ASIP: variants seen among roughly 807,000 people sequenced by gnomAD.
The protein encoded by ASIP is agouti signaling protein.
ASIP carries 11 observed loss-of-function variants against 10.3 expected under a neutral mutation model. The observed-to-expected ratio is 1.07, with a 90% CI of 0.68 to 1.78. ASIP has a LOEUF of 1.78. Ranked by LOEUF, ASIP falls within the 40% of genes most tolerant of loss-of-function variation. The pLI is 0.00. For synonymous variants in ASIP, 70 were observed against 70.8 expected (o/e 0.99, Z 0.06); for missense variants, 180 against 169.2 (o/e 1.06, Z -0.35).
At chr20:34,189,082 T>C in the ASIP span, among the ~76,000 whole-genome samples, 1 of 152,200 alleles carries the variant, frequency 6.6e-6, no homozygotes, top group African/African-American at 2.4e-5. Flanking sequence ...TTTAGACTTT[T>C]TGAGTATTCT....
intron 1 of ASIP, chr20:34,213,667 T>C (rs2122551795): frequency 6.4e-6 from 10 of 1,553,980 alleles, no homozygotes; most frequent in South Asian, 1.1e-5. Flanking sequence ...TGCTTCACAA[T>C]CTTTGAGTAT....
chr20:34,220,710 AG>A (rs2035040526), intron 1 of ASIP, among the ~76,000 whole-genome samples: 1 of 152,126 alleles, frequency 6.6e-6, no homozygotes, highest in Non-Finnish European at 1.5e-5. Context: ...TGACATAGGG[AG>A]GCAGAATGAA....
intron 1 of ASIP, among the ~76,000 whole-genome samples, chr20:34,209,309 A>G (rs570657118): frequency 3.3e-5 from 5 of 152,202 alleles, no homozygotes; most frequent in Admixed American, 3.3e-4. Flanking sequence ...CTGCAGACTC[A>G]GGCCTCCCAC....
chr20:34,259,797 G>A (rs2035657289), intron 1 of ASIP, among the ~76,000 whole-genome samples: 1 of 151,860 alleles, frequency 6.6e-6, no homozygotes, highest in Admixed American at 6.6e-5. Context: ...ATAAATCCAG[G>A]GGGCCTATGT....
chr20:34,198,069 T>C (rs2034870154), intron 1 of ASIP, among the ~76,000 whole-genome samples: 1 of 151,318 alleles, frequency 6.6e-6, no homozygotes, highest in Non-Finnish European at 1.5e-5. Context: ...TTTTTTTTTT[T>C]TTTTTTGAGA....
At chr20:34,256,825 G>A (rs1036116409) in intron 1 of ASIP, among the ~76,000 whole-genome samples, 2 of 152,036 alleles carry the variant, frequency 1.3e-5, no homozygotes, top group Non-Finnish European at 2.9e-5. Flanking sequence ...GCCCAGGCTG[G>A]GTAACAGTGC....
rs920155677 is a variant in ASIP at position 34,253,397 on chromosome 20, C to T, written c.-10-6968C>T. 8.6e-5 allele frequency among the ~76,000 whole-genome samples: 13 copies of T among 151,410 alleles called. No individual in the cohort carries two copies. In the East Asian group the frequency reaches 1.2e-3, roughly 14 times the overall value. Reference sequence around the variant, plus strand: ...CTGGGATTACGGGCGTGAGCCACCGCGCCCAGCCTGATCTCTCTTTCTTTT... The same window carrying T: ...CTGGGATTACGGGCGTGAGCCACCGTGCCCAGCCTGATCTCTCTTTCTTTT... On this transcript the variant is annotated intron_variant, in intron 1 of 3. Coordinates refer to ENST00000374954, the MANE Select transcript of ASIP (RefSeq NM_001672.3).
Position 34,269,270 on chromosome 20 carries a change from C to A in ASIP, c.*103C>A. 2 of 1,371,130 alleles carry A rather than the reference C, an allele frequency of 1.5e-6. No individual in the cohort carries two copies. The highest frequency in any genetic ancestry group is 1.9e-6 in the Non-Finnish European group (2 of 1,051,620). The allele number at this position is 1,371,130 out of a possible 1,614,324, so 84.9% of individuals were successfully genotyped here. ...GCGGCTTCCCAGGGCTGCAGGCGGG[C>A]GGAGGTTCCAGGAGATGGGACTTCA... On this transcript the variant is annotated 3_prime_UTR_variant, in exon 4 of 4. Coordinates refer to ENST00000374954, the MANE Select transcript of ASIP (RefSeq NM_001672.3).
intron 3 of ASIP, 104 bp downstream of exon 3, chr20:34,262,997 A>G (rs1285656194): frequency 6.0e-6 from 8 of 1,327,562 alleles, no homozygotes; most frequent in Non-Finnish European, 8.4e-6. Context: ...AAGATTTTTC[A>G]GGCCTATATT....
At position 34,202,756 on chromosome 20, in the gene ASIP, A is replaced by C. The variant is rs116669513; in HGVS notation, c.-11+7996A>C. 2.2e-3 allele frequency among the ~76,000 whole-genome samples: 337 copies of C among 150,954 alleles called. 3 individuals are homozygous for C. Among genetic ancestry groups the C allele is most frequent in the African/African-American group, 8.0e-3 (329 of 41,018 alleles). ...AATAAGTTTTGATATTTGGTAGAATAAGTCCTTCATGCCTCTCATCTTCCC... is the reference window on the plus strand; with the variant it reads ...AATAAGTTTTGATATTTGGTAGAATCAGTCCTTCATGCCTCTCATCTTCCC... On this transcript the variant is annotated intron_variant, in intron 1 of 3. Transcript: ENST00000568305.
At chr20:34,192,353 C>G (rs1029104208), upstream of ASIP, among the ~76,000 whole-genome samples, 5 of 152,152 alleles carry the variant, frequency 3.3e-5, no homozygotes, top group African/African-American at 1.2e-4. Context: ...GAAACAGCGT[C>G]TCGCTCTCTT....
chr20:34,260,393 C>G lies in ASIP; in HGVS notation c.19C>G (p.Leu7Val), dbSNP rs1268890492. ...TCCTGGGATGGATGTCACCCGCTTA[C>G]TCCTGGCCACCCTGCTGGTCTTCCT... MDVTRL[L>V]LATLLVFLCF... The change falls in exon 2 of 4, where the codon CTC becomes GTC. Residue 7 changes from leucine to valine, a missense_variant. By Grantham distance (32) the Leu-to-Val change is conservative (BLOSUM62 1). Coordinates refer to ENST00000374954, the MANE Select transcript of ASIP (RefSeq NM_001672.3). 10 of 1,613,814 alleles carry G rather than the reference C, an allele frequency of 6.2e-6. No homozygotes were observed. Among genetic ancestry groups the G allele is most frequent in the Non-Finnish European group, 8.5e-6 (10 of 1,179,876 alleles).
At chr20:34,252,728 C>G (rs909360166) in intron 1 of ASIP, among the ~76,000 whole-genome samples, 1 of 152,088 alleles carries the variant, frequency 6.6e-6, no homozygotes, top group African/African-American at 2.4e-5. Flanking sequence ...TAAGGTCTTT[C>G]CTTTCCCACG....
At chr20:34,268,297 G>C (rs889213880) in intron 3 of ASIP, among the ~76,000 whole-genome samples, 9 of 152,192 alleles carry the variant, frequency 5.9e-5, no homozygotes, top group Admixed American at 4.6e-4. Flanking sequence ...CTGGGTTCCT[G>C]CAGCAGGAAC....
chr20:34,239,982 A>C (rs1488830595), upstream of ASIP, among the ~76,000 whole-genome samples: 1 of 152,220 alleles, frequency 6.6e-6, no homozygotes, highest in Admixed American at 6.5e-5. Context: ...CTAACTTTAA[A>C]GCATTCTATT....
chr20:34,213,397 T>TAGATCTCGG, intron 1 of ASIP: 2 of 668,388 alleles, frequency 3.0e-6, no homozygotes, highest in Non-Finnish European at 5.1e-6. Flanking sequence ...GAGTGGAGTG[T>TAGATCTCGG]TGCTATAACC....
At chr20:34,246,029 T>G in intron 1 of ASIP, 1 of 971,128 alleles carries the variant, frequency 1.0e-6, no homozygotes, top group Non-Finnish European at 1.7e-6. Flanking sequence ...ACATGAATTA[T>G]GTCATCTGTA....
intron 1 of ASIP, among the ~76,000 whole-genome samples, chr20:34,198,302 C>T (rs1316898620): frequency 6.6e-6 from 1 of 151,974 alleles, no homozygotes. Flanking sequence ...GTTGGCCAGG[C>T]TGGGCTTGAA....
intron 1 of ASIP, among the ~76,000 whole-genome samples, chr20:34,206,404 G>A (rs1249455119): frequency 6.6e-6 from 1 of 151,932 alleles, no homozygotes; most frequent in African/African-American, 2.4e-5. Context: ...TTCTGATATC[G>A]ATTTTTTTAA....
Sources: allele counts gnomAD v4.1 joint callset (sites outside exome capture counted in the v4.1 genomes callset), GRCh38; gene constraint gnomAD v4.1.1; transcripts MANE v1.5; gene names NCBI Gene and HGNC (gene_info 2026-07-23, HGNC 2026-07-21).